HERC1: variants seen among roughly 807,000 people sequenced by gnomAD.
HERC1 encodes the protein probable E3 ubiquitin-protein ligase HERC1.
HERC1 carries 160 observed loss-of-function variants against 554.3 expected under a neutral mutation model. The ratio of observed to expected loss-of-function variants is 0.29; its 90% CI spans 0.25 to 0.33. The LOEUF is 0.33. HERC1 is among the 10% of genes least tolerant of loss of function. HERC1 has a pLI of 1.00. For missense variants in HERC1, 4,919 were observed against 5,918.5 expected, an observed-to-expected ratio of 0.83 and a Z score of 5.54; for synonymous variants, 2,175 against 2,131.7, an observed-to-expected ratio of 1.02 and a Z score of -0.56.
chr15:63,621,224 A>G (rs2068063202), intron 74 of HERC1, among the ~76,000 whole-genome samples: 1 of 151,894 alleles, frequency 6.6e-6, no homozygotes, highest in Non-Finnish European at 1.5e-5. Context: ...GCTTGTCTGT[A>G]AAGTATTTTA....
intron 33 of HERC1, among the ~76,000 whole-genome samples, chr15:63,687,118 T>C (rs547044000): frequency 5.3e-5 from 8 of 152,350 alleles, no homozygotes; most frequent in Admixed American, 3.3e-4. Context: ...TAGGGAGACC[T>C]ACACAGAATG....
At chr15:63,693,176 TCAA>T (rs1296075114) in intron 30 of HERC1, among the ~76,000 whole-genome samples, 2 of 149,464 alleles carry the variant, frequency 1.3e-5, no homozygotes, top group Non-Finnish European at 3.0e-5. Context: ...AGACTCTGTC[TCAA>T]CAACAACAAA....
chr15:63,637,705 A>AC, intron 63 of HERC1, 62 bp from the exon 64 acceptor site: 4 of 1,336,042 alleles, frequency 3.0e-6, no homozygotes, highest in Non-Finnish European at 4.1e-6. Flanking sequence ...ACATGCAAGC[A>AC]CTTGAAATGA....
At chr15:63,825,033 G>A (rs562282768) in intron 1 of HERC1, among the ~76,000 whole-genome samples, 81 of 152,274 alleles carry the variant, frequency 5.3e-4, no homozygotes, top group African/African-American at 1.9e-3. Flanking sequence ...GGCTGGGCAC[G>A]GTGGCTAATG....
At position 63,754,521 on chromosome 15, in the gene HERC1, A is replaced by G; in HGVS notation, c.1758T>C (p.Phe586=). The change falls in exon 7 of 78, where the codon TTT becomes TTC. Residue 586 remains phenylalanine, a synonymous_variant. Coordinates refer to ENST00000443617, the MANE Select transcript of HERC1 (RefSeq NM_003922.4). ...TTTACATACCATTGTCTCCTCCTCC[A>G]AAAGACCATACAGTTCTCCCATCTT... ...LSKDGRTVWS[F]GGGDNGKLGH... 6.2e-7 allele frequency: 1 copy of G among 1,603,216 alleles called. No homozygotes were observed.
chr15:63,733,935 G>A (rs1382562874), intron 13 of HERC1, among the ~76,000 whole-genome samples: 11 of 152,184 alleles, frequency 7.2e-5, no homozygotes. Flanking sequence ...GGCCAGAGCA[G>A]GAGGATCATT....
In HERC1 at chr15:63,652,496, T is replaced by C. The variant is rs1299609271; in HGVS notation, c.10336A>G (p.Ser3446Gly). 1 of 1,607,888 alleles carries C rather than the reference T, an allele frequency of 6.2e-7. No homozygotes were observed. The highest frequency in any genetic ancestry group is 1.7e-5 in the Admixed American group (1 of 59,230). ...WCNKKGLLATSGNDGTIRVWN... is the reference protein window; with the variant it reads ...WCNKKGLLATGGNDGTIRVWN... Reference sequence around the variant, plus strand: ...ACGCGGATGGTGCCATCATTGCCACTTGTAGCCAAAAGACCTTTTTTATTA... The same window carrying C: ...ACGCGGATGGTGCCATCATTGCCACCTGTAGCCAAAAGACCTTTTTTATTA... Residue 3446 changes from serine to glycine, a missense_variant, in exon 52 of 78, where the codon AGT becomes GGT. Ser to Gly is a moderately conservative substitution (Grantham distance 56). Coordinates refer to ENST00000443617, the MANE Select transcript of HERC1 (RefSeq NM_003922.4).
At chr15:63,703,407 C>T (rs975825166) in intron 25 of HERC1, among the ~76,000 whole-genome samples, 13 of 152,220 alleles carry the variant, frequency 8.5e-5, no homozygotes, top group African/African-American at 2.9e-4. Flanking sequence ...TGTGTATACA[C>T]CCATTGTCAT....
At chr15:63,658,400 C>A in intron 48 of HERC1, 144 bp downstream of exon 48, 1 of 608,060 alleles carries the variant, frequency 1.6e-6, no homozygotes, top group Non-Finnish European at 2.6e-6. Context: ...GAGTGAATAA[C>A]AATGACTACG....
At position 63,713,292 on chromosome 15, in the gene HERC1, A is replaced by T. The variant is rs2073395304; in HGVS notation, c.4463+61T>A. On this transcript the variant is annotated intron_variant, in intron 23 of 77. Coordinates refer to ENST00000443617, the MANE Select transcript of HERC1 (RefSeq NM_003922.4). Reference sequence around the variant, plus strand: ...TGTAACTTTGGAAACAAACCATTTCAGTGCATAAAGTAATAAAGGGAAGTG... The same window carrying T: ...TGTAACTTTGGAAACAAACCATTTCTGTGCATAAAGTAATAAAGGGAAGTG... 20 of 1,352,256 alleles carry T rather than the reference A, an allele frequency of 1.5e-5. No individual in the cohort carries two copies. In the South Asian group the frequency reaches 2.6e-4, roughly 17 times the overall value. The allele number at this position is 1,352,256 out of a possible 1,614,324, so 83.8% of individuals were successfully genotyped here.
chr15:63,758,959 G>C lies in HERC1; in HGVS notation c.1027-590C>G, dbSNP rs2075519424. On this transcript the variant is annotated intron_variant, in intron 3 of 77. Coordinates refer to ENST00000443617, the MANE Select transcript of HERC1 (RefSeq NM_003922.4). The surrounding 1 kb of genome is among the most constrained non-coding windows in gnomAD (Gnocchi z 4.0). The stretch of plus-strand genomic sequence containing the variant: ...ACACAGACTAGACTCAAACTCCTGG[G>C]TTCAAGCAATCCTCCCACCTCAGCC... Among the ~76,000 whole-genome samples the C allele has an allele frequency of 6.6e-6, 1 of 151,948 alleles. No individual in the cohort carries two copies. The highest frequency in any genetic ancestry group is 1.5e-5 in the Non-Finnish European group (1 of 68,014).
Position 63,640,230 on chromosome 15 carries a change from G to C in HERC1, c.11823C>G (p.Thr3941=). ...STTIKAAEAL[T]NGAQFPESFT... Reference sequence around the variant, plus strand: ...AAGATTCTGGAAACTGGGCTCCATTGGTCAGGGCTTCGGCAGCTTTTATAG... The same window carrying C: ...AAGATTCTGGAAACTGGGCTCCATTCGTCAGGGCTTCGGCAGCTTTTATAG... Residue 3941 remains threonine, a synonymous_variant, in exon 61 of 78, where the codon ACC becomes ACG. Transcript: ENST00000443617. 1 of 1,613,888 alleles carries C rather than the reference G, an allele frequency of 6.2e-7. No individual in the cohort carries two copies. Among genetic ancestry groups the C allele is most frequent in the Non-Finnish European group, 8.5e-7 (1 of 1,179,818 alleles).
In HERC1 at chr15:63,624,190, T is replaced by A; in HGVS notation, c.13413A>T (p.Gly4471=). Residue 4471 remains glycine, a synonymous_variant, in exon 72 of 78, where the codon GGA becomes GGT. Coordinates refer to ENST00000443617, the MANE Select transcript of HERC1 (RefSeq NM_003922.4). ...ATATCCTCTTTACAGTTATCTGAGG[T>A]CCATAGTTTTTGCCTTGAACCATGG... ...GKTMVQGKNY[G]PQITVKRIST... is the part of the protein sequence containing the mutation. 6.2e-7 allele frequency: 1 copy of A among 1,613,880 alleles called. No individual in the cohort carries two copies. Among genetic ancestry groups the A allele is most frequent in the Non-Finnish European group, 8.5e-7 (1 of 1,179,792 alleles).
chr15:63,669,824 G>T, intron 39 of HERC1, 126 bp from the exon 40 acceptor site: 3 of 743,060 alleles, frequency 4.0e-6, no homozygotes, highest in Non-Finnish European at 6.6e-6. Context: ...TTAATGGAGG[G>T]TGGGGAGAAA....
In HERC1 at chr15:63,651,340, G is replaced by T; in HGVS notation, c.10459C>A (p.Pro3487Thr). The T allele has an allele frequency of 6.2e-7, 1 of 1,613,720 alleles. No individual in the cohort carries two copies. Among genetic ancestry groups the T allele is most frequent in the South Asian group, 1.1e-5 (1 of 91,072 alleles). The change falls in exon 53 of 78, where the codon CCA becomes ACA. Residue 3487 changes from proline to threonine, a missense_variant. By Grantham distance (38) the Pro-to-Thr change is conservative. This residue lies in a region of HERC1 where 1,963 missense variants were observed against 2,228.6 expected (regional missense o/e 0.88). Transcript: ENST00000443617. ...AEESLGSPSD[P>T]SFSPVSWSIS... Reference sequence around the variant, plus strand: ...CTCCAGGAAACTGGTGAGAAACTTGGATCACTGGGTGATCCCAGGCTTTCC... The same window carrying T: ...CTCCAGGAAACTGGTGAGAAACTTGTATCACTGGGTGATCCCAGGCTTTCC...
At chr15:63,662,043 C>T (rs2070383452) in intron 44 of HERC1, 22 bp from the exon 45 acceptor site, 1 of 1,597,006 alleles carries the variant, frequency 6.3e-7, no homozygotes. Flanking sequence ...GATTTCATAC[C>T]AAATGATTAG....
intron 1 of HERC1, among the ~76,000 whole-genome samples, chr15:63,796,067 T>G (rs1055448408): frequency 6.6e-6 from 1 of 152,264 alleles, no homozygotes; most frequent in Non-Finnish European, 1.5e-5. Flanking sequence ...GCTAGCAGAT[T>G]TTTAAGAATG....
chr15:63,674,729 T>C lies in HERC1; in HGVS notation c.7459A>G (p.Lys2487Glu). The C allele has an allele frequency of 6.2e-7, 1 of 1,613,820 alleles. No homozygotes were observed. Among genetic ancestry groups the C allele is most frequent in the Non-Finnish European group, 8.5e-7 (1 of 1,179,826 alleles). Residue 2487 changes from lysine (K) to glutamate (E), a missense_variant, in exon 38 of 78, where the codon AAA becomes GAA. Coordinates refer to ENST00000443617, the MANE Select transcript of HERC1 (RefSeq NM_003922.4). The stretch of plus-strand genomic sequence containing the variant: ...TTTTTGGACATGTGTTCATGATTTT[T>C]TCTTTTCCCTTCTGTTATTTGATGT... ...SQHQITEGKRKNHEHMSKNHD... is the reference protein window; with the variant it reads ...SQHQITEGKRENHEHMSKNHD...
chr15:63,802,754 A>G (rs959249485), intron 1 of HERC1, among the ~76,000 whole-genome samples: 6 of 152,240 alleles, frequency 3.9e-5, no homozygotes, highest in African/African-American at 1.4e-4. Context: ...ACTGAAATAA[A>G]CGAGTTACTG....
Sources: gnomAD v4.1 joint callset for allele counts (sites outside exome capture counted in the v4.1 genomes callset) on GRCh38, gnomAD v4.1.1 for gene constraint, gnomAD v4.1.1 regional missense constraint, Gnocchi (gnomAD v3.1) non-coding constraint, MANE v1.5 for transcripts, NCBI Gene and HGNC (gene_info 2026-07-23, HGNC 2026-07-21) for gene names.